The following ERBB4 variants were observed in gnomAD, a reference collection of about 807,000 sequenced individuals.
ERBB4 encodes the protein receptor tyrosine-protein kinase erbB-4.
In ERBB4, 42 loss-of-function variants were observed where a neutral mutation model predicts 158.0. The observed-to-expected ratio is 0.27, with a 90% CI of 0.21 to 0.34. The LOEUF (loss-of-function observed/expected upper bound fraction) is 0.34. ERBB4 is among the 10% of genes least tolerant of loss of function. The pLI, the probability that ERBB4 is intolerant of heterozygous loss-of-function variation, is 1.00. For missense variants in ERBB4, 1,333 were observed against 1,624.1 expected, an observed-to-expected ratio of 0.82 and a Z score of 3.08; for synonymous variants, 583 against 558.7, an observed-to-expected ratio of 1.04 and a Z score of -0.61.
At chr2:211,401,372 G>C (rs1471297814) in intron 25 of ERBB4, among the ~76,000 whole-genome samples, 2 of 151,990 alleles carry the variant, frequency 1.3e-5, no homozygotes, top group African/African-American at 4.8e-5. Flanking sequence ...GTATAGGTTG[G>C]CATTGATTTT....
chr2:211,986,660 A>G (rs915725851), intron 2 of ERBB4, among the ~76,000 whole-genome samples: 3 of 152,084 alleles, frequency 2.0e-5, no homozygotes, highest in African/African-American at 7.2e-5. Context: ...GGAATTCTTT[A>G]CTGTAATTTT....
intron 20 of ERBB4, among the ~76,000 whole-genome samples, chr2:211,553,753 A>G (rs146644695): frequency 0.011 from 1,670 of 152,306 alleles, 36 homozygotes; most frequent in African/African-American, 0.038. Flanking sequence ...TTAGTAAGTG[A>G]TAGAGATGAG....
At chr2:211,506,082 T>C (rs1366575972) in intron 20 of ERBB4, among the ~76,000 whole-genome samples, 2 of 150,496 alleles carry the variant, frequency 1.3e-5, no homozygotes, top group Admixed American at 6.6e-5. Context: ...AGTAAAGGGG[T>C]AGAAAAAGAT....
chr2:212,187,723 TATC>T (rs1437181934), intron 1 of ERBB4, among the ~76,000 whole-genome samples: 5 of 152,160 alleles, frequency 3.3e-5, no homozygotes, highest in African/African-American at 9.7e-5. Context: ...TTTGGGATAA[TATC>T]ATAAATTCCT....
rs193113587 is a variant in ERBB4, at chr2:211,913,708, A to G, written c.421+33722T>C. On this transcript the variant is annotated intron_variant, in intron 3 of 27. Coordinates refer to ENST00000342788, the MANE Select transcript of ERBB4 (RefSeq NM_005235.3). ...GTATATATACATAGAGAGAGAGAGC[A>G]ATAAAATTTGGTATAGTGTCTATCA... Among the ~76,000 whole-genome samples, 387 of 150,352 alleles carry G rather than the reference A, an allele frequency of 2.6e-3. 2 individuals carry two copies. The highest frequency in any genetic ancestry group is 3.0e-3 in the Non-Finnish European group (205 of 67,640).
intron 19 of ERBB4, among the ~76,000 whole-genome samples, chr2:211,584,950 A>G (rs182046997): frequency 1.3e-5 from 2 of 152,240 alleles, no homozygotes; most frequent in Admixed American, 1.3e-4. Context: ...TATGAAAAAA[A>G]AATTACCACT....
chr2:212,241,784 T>C (rs1015665730), intron 1 of ERBB4, among the ~76,000 whole-genome samples: 1 of 152,154 alleles, frequency 6.6e-6, no homozygotes, highest in African/African-American at 2.4e-5. Context: ...AGTAAGTGTT[T>C]GTATGGCCTA....
intron 1 of ERBB4, among the ~76,000 whole-genome samples, chr2:212,300,450 T>C (rs1368611506): frequency 1.3e-5 from 2 of 151,598 alleles, no homozygotes; most frequent in Non-Finnish European, 3.0e-5. Context: ...GCTTCACAAA[T>C]GTGACCCTAA....
chr2:212,227,998 G>A (rs770946831), intron 1 of ERBB4, among the ~76,000 whole-genome samples: 2 of 152,048 alleles, frequency 1.3e-5, no homozygotes, highest in Non-Finnish European at 2.9e-5. Flanking sequence ...AGGGCATGTC[G>A]CAATGTTCAG....
chr2:211,487,387 G>A (rs59961819), intron 20 of ERBB4, among the ~76,000 whole-genome samples: 51,953 of 151,626 alleles, frequency 0.34, 10,605 homozygotes, highest in African/African-American at 0.58. Flanking sequence ...TAAATAAATA[G>A]CAAATGTAAT....
intron 3 of ERBB4, among the ~76,000 whole-genome samples, chr2:211,837,279 T>G (rs2077362566): frequency 6.6e-6 from 1 of 152,060 alleles, no homozygotes; most frequent in Non-Finnish European, 1.5e-5. Flanking sequence ...TCCAAAATGC[T>G]TATAGAATTC....
chr2:211,659,296 C>T (rs2071333229), intron 15 of ERBB4, among the ~76,000 whole-genome samples: 1 of 151,832 alleles, frequency 6.6e-6, no homozygotes, highest in Admixed American at 6.6e-5. Flanking sequence ...AGAGAGAATA[C>T]ACCTGTATGA....
intron 16 of ERBB4, 29 bp downstream of exon 16, chr2:211,657,725 C>T (rs35497618): frequency 0.03 from 47,261 of 1,568,218 alleles, 806 homozygotes; most frequent in Non-Finnish European, 0.034. Flanking sequence ...AGGATTTGAG[C>T]GACAAAATGG....
Position 211,557,196 on chromosome 2 carries a change from T to C in ERBB4, c.2487+4707A>G, listed in dbSNP as rs544040297. The stretch of plus-strand genomic sequence containing the variant: ...AACGTAGACAATACCATTCAGGACA[T>C]AGGCATGGACAAAGATTTCATGATG... On this transcript the variant is annotated intron_variant, in intron 20 of 27. Transcript: ENST00000342788. 5.3e-5 allele frequency among the ~76,000 whole-genome samples: 8 copies of C among 152,166 alleles called. No individual in the cohort carries two copies. In the East Asian group the frequency reaches 1.2e-3, roughly 22 times the overall value.
At chr2:211,982,800 T>G (rs1328599695) in intron 2 of ERBB4, among the ~76,000 whole-genome samples, 1 of 152,162 alleles carries the variant, frequency 6.6e-6, no homozygotes. Flanking sequence ...TAAAATGAAT[T>G]TTTTCAGTAA....
chr2:212,364,194 T>C (rs2089796390), intron 1 of ERBB4, among the ~76,000 whole-genome samples: 1 of 151,706 alleles, frequency 6.6e-6, no homozygotes, highest in South Asian at 2.1e-4. Flanking sequence ...TAGTTGATTG[T>C]TTAGGGAAAT....
At position 211,846,477 on chromosome 2, in the gene ERBB4, C is replaced by T. The variant is rs112110480; in HGVS notation, c.422-58318G>A. 6.6e-5 allele frequency among the ~76,000 whole-genome samples: 10 copies of T among 152,180 alleles called. 1 individual carries two copies. The highest frequency in any genetic ancestry group is 2.4e-4 in the African/African-American group (10 of 41,542). On this transcript the variant is annotated intron_variant, in intron 3 of 27. Transcript: ENST00000342788. ...CATCTGATCCCTAGGCTAATGTCCT[C>T]TCAGCTTAAATATTAAAAAGAGAGC...
At chr2:211,393,118 T>G (rs919052583) in intron 25 of ERBB4, among the ~76,000 whole-genome samples, 2 of 152,224 alleles carry the variant, frequency 1.3e-5, no homozygotes, top group Non-Finnish European at 2.9e-5. Context: ...GGAAATGCTG[T>G]CTTTTATAAT....
At chr2:212,383,988 C>T (rs940764497) in intron 1 of ERBB4, among the ~76,000 whole-genome samples, 2 of 151,356 alleles carry the variant, frequency 1.3e-5, no homozygotes, top group African/African-American at 2.4e-5. Context: ...ATCTTGTGCA[C>T]GAATTTTTAT....
Sources: gnomAD v4.1 joint callset for allele counts (sites outside exome capture counted in the v4.1 genomes callset) on GRCh38, gnomAD v4.1.1 for gene constraint, MANE v1.5 for transcripts, NCBI Gene and HGNC (gene_info 2026-07-23, HGNC 2026-07-21) for gene names.